Variants in SPTLC3 observed in about 807,000 individuals in gnomAD.
SPTLC3 encodes serine palmitoyltransferase long chain base subunit 3.
Under a neutral mutation model 59.3 loss-of-function variants are expected in SPTLC3, and 36 were observed. The observed-to-expected ratio is 0.61, with a 90% CI of 0.47 to 0.80. The LOEUF (loss-of-function observed/expected upper bound fraction) is 0.80, where lower values mean the gene tolerates loss of function less well. SPTLC3 is among the 30% of genes least tolerant of loss of function. The probability of loss-of-function intolerance (pLI) is 0.00; values close to 1 mark genes in which losing one functional copy is unlikely to be tolerated. For synonymous variants in SPTLC3, 257 were observed against 240.8 expected, an observed-to-expected ratio of 1.07 and a Z score of -0.62; for missense variants, 625 against 685.1, an observed-to-expected ratio of 0.91 and a Z score of 0.98.
Position 13,074,441 on chromosome 20 carries a change from TA to T in SPTLC3, c.554del (p.Lys185ArgfsTer4), listed in dbSNP as rs1568589612. 1 of 1,614,092 alleles carries T rather than the reference TA, an allele frequency of 6.2e-7. No homozygotes were observed. Among genetic ancestry groups the T allele is most frequent in the African/African-American group, 1.3e-5 (1 of 75,042 alleles). ...AAGTATGATGAGTCTATGAGGACAA[TA>T]AAGGATGTTTTAGAGGTGTATGGCA... ...AAKYDESMRT[I>X]KDVLEVYGTG... On this transcript the variant is annotated frameshift_variant, in exon 4 of 12. Transcript: ENST00000399002. LOFTEE classifies it high-confidence loss of function.
chr20:13,056,668 T>C (rs1235603473), intron 2 of SPTLC3, among the ~76,000 whole-genome samples: 1 of 151,652 alleles, frequency 6.6e-6, no homozygotes, highest in Non-Finnish European at 1.5e-5. Context: ...TAGGCTGGTC[T>C]CAAACTGCTG....
intron 6 of SPTLC3, among the ~76,000 whole-genome samples, chr20:13,098,826 C>A (rs1423588614): frequency 2.0e-5 from 3 of 152,158 alleles, no homozygotes; most frequent in Non-Finnish European, 4.4e-5. Flanking sequence ...TATTAAGCAA[C>A]TTGTCCAAGA....
At chr20:13,042,149 C>T (rs936638413) in intron 1 of SPTLC3, among the ~76,000 whole-genome samples, 1 of 152,238 alleles carries the variant, frequency 6.6e-6, no homozygotes, top group African/African-American at 2.4e-5. Flanking sequence ...CCCTGATTCT[C>T]TCTGGCTGAA....
intron 1 of SPTLC3, among the ~76,000 whole-genome samples, chr20:13,014,965 G>A (rs987345278): frequency 3.9e-5 from 6 of 152,124 alleles, no homozygotes; most frequent in Non-Finnish European, 7.3e-5. Flanking sequence ...AGAAGGTCTG[G>A]ATGCGCCAAG....
chr20:13,083,381 G>A (rs6134777), intron 4 of SPTLC3, among the ~76,000 whole-genome samples: 41,743 of 152,014 alleles, frequency 0.27, 5,903 homozygotes, highest in Middle Eastern at 0.35. Flanking sequence ...AGCTAGAACT[G>A]AAAGACCACA....
intron 1 of SPTLC3, among the ~76,000 whole-genome samples, chr20:13,030,726 C>T (rs1986399993): frequency 1.3e-5 from 2 of 152,156 alleles, no homozygotes; most frequent in African/African-American, 4.8e-5. Context: ...GCCTGCCCCT[C>T]CCTATCCATG....
In SPTLC3 at chr20:13,165,797, T is replaced by C. The variant is rs1254987963; in HGVS notation, c.*930T>C. The C allele has an allele frequency of 6.6e-6, 1 of 152,218 alleles. No individual in the cohort carries two copies. Among genetic ancestry groups the C allele is most frequent in the East Asian group, 1.9e-4 (1 of 5,200 alleles). 9.4% of individuals were successfully genotyped at this position (152,218 alleles called of 1,614,324 possible). A position where few individuals can be genotyped will look rare whatever the true frequency, so the allele number is the denominator to read the frequency against. On this transcript the variant is annotated 3_prime_UTR_variant, in exon 12 of 12. Transcript: ENST00000399002. ...GACTCCCAAGACTATATTTGAAGAA[T>C]GCATTGATTCAAGAAGGACATTTAA...
chr20:13,045,147 T>C (rs1987177717), intron 1 of SPTLC3, among the ~76,000 whole-genome samples: 1 of 151,702 alleles, frequency 6.6e-6, no homozygotes. Flanking sequence ...AACAGAAGAG[T>C]AATTGTCTGT....
At chr20:13,019,286 C>A (rs997900954) in intron 1 of SPTLC3, among the ~76,000 whole-genome samples, 2 of 152,136 alleles carry the variant, frequency 1.3e-5, no homozygotes, top group Non-Finnish European at 2.9e-5. Context: ...TAAATGTTGG[C>A]ATCTAATTTT....
chr20:13,090,389 A>G (rs1989171460), intron 4 of SPTLC3, among the ~76,000 whole-genome samples: 1 of 152,212 alleles, frequency 6.6e-6, no homozygotes, highest in Non-Finnish European at 1.5e-5. Context: ...CAAAGGTTCA[A>G]TAAATTATAA....
At chr20:13,142,186 A>T (rs187394422) in intron 9 of SPTLC3, among the ~76,000 whole-genome samples, 3 of 152,340 alleles carry the variant, frequency 2.0e-5, no homozygotes, top group Admixed American at 6.5e-5. Context: ...CCCTAGAAAG[A>T]ATGTAAAGAG....
intron 2 of SPTLC3, among the ~76,000 whole-genome samples, chr20:13,056,449 CT>C (rs1277714015): frequency 1.6e-5 from 1 of 60,906 alleles, no homozygotes; most frequent in African/African-American, 6.6e-5. Context: ...GACGCTTTAA[CT>C]TTTTTTCTTT....
intron 1 of SPTLC3, among the ~76,000 whole-genome samples, chr20:13,029,537 A>G (rs796548422): frequency 3.0e-4 from 46 of 152,304 alleles, no homozygotes; most frequent in African/African-American, 1.1e-3. Context: ...ACAATTAATC[A>G]GATAATTATA....
intron 1 of SPTLC3, among the ~76,000 whole-genome samples, chr20:13,029,813 G>C (rs1190800904): frequency 6.6e-6 from 1 of 152,076 alleles, no homozygotes; most frequent in Non-Finnish European, 1.5e-5. Context: ...AGTTATATGG[G>C]GTAATAGGCT....
chr20:13,073,531 G>T, intron 3 of SPTLC3: 1 of 164,802 alleles, frequency 6.1e-6, no homozygotes, highest in Non-Finnish European at 1.3e-5. Flanking sequence ...TAAATCAAAT[G>T]AATGGGCATG....
At chr20:13,138,859 A>T (rs979127848) in intron 9 of SPTLC3, among the ~76,000 whole-genome samples, 3 of 152,210 alleles carry the variant, frequency 2.0e-5, no homozygotes, top group African/African-American at 4.8e-5. Flanking sequence ...ATGCTACTTA[A>T]ATAGCAGAAG....
chr20:13,151,224 C>T (rs772252546), intron 9 of SPTLC3, among the ~76,000 whole-genome samples: 1 of 152,210 alleles, frequency 6.6e-6, no homozygotes, highest in Non-Finnish European at 1.5e-5. Flanking sequence ...ACTCTTACTA[C>T]CAACTAAAGT....
At chr20:13,067,310 G>A (rs2122556259) in intron 2 of SPTLC3, among the ~76,000 whole-genome samples, 1 of 152,074 alleles carries the variant, frequency 6.6e-6, no homozygotes, top group South Asian at 2.1e-4. Context: ...GAAAGAGGAT[G>A]AAGGGATCTA....
rs117004417 is a variant in SPTLC3 at position 13,079,985 on chromosome 20, C to T, written c.607+5488C>T. 1,412 of 253,084 alleles carry T rather than the reference C, an allele frequency of 5.6e-3. 14 individuals carry two copies. In the East Asian group the frequency reaches 0.058, roughly 10 times the overall value. The allele number at this position is 253,084 out of a possible 1,614,324, so 15.7% of individuals were successfully genotyped here. On this transcript the variant is annotated intron_variant, in intron 4 of 11. Transcript: ENST00000399002. ...TAATACCCCAGGGAACCAGAGAAAA[C>T]ACCCACAGAAACCTGAAGGGAAAAG...
Sources: allele counts gnomAD v4.1 joint callset (sites outside exome capture counted in the v4.1 genomes callset), GRCh38; gene constraint gnomAD v4.1.1; transcripts MANE v1.5; gene names NCBI Gene and HGNC (gene_info 2026-07-23, HGNC 2026-07-21).